Variants in OGFR observed in about 807,000 individuals in gnomAD.
OGFR encodes the protein opioid growth factor receptor.
OGFR carries 18 observed loss-of-function variants against 33.6 expected under a neutral mutation model. The ratio of observed to expected loss-of-function variants is 0.54; its 90% confidence interval spans 0.37 to 0.80. The LOEUF is 0.80. Ranked by LOEUF, OGFR falls within the 30% of genes least tolerant of loss-of-function variation. OGFR has a pLI of 0.00. For missense variants in OGFR, 877 were observed against 955.8 expected, an observed-to-expected ratio of 0.92 and a Z score of 1.09; for synonymous variants, 370 against 400.7, an observed-to-expected ratio of 0.92 and a Z score of 0.91.
chr20:62,807,745 C>A (rs41309385), intron 2 of OGFR, 140 bp downstream of exon 2: 1 of 807,788 alleles, frequency 1.2e-6, no homozygotes, highest in Non-Finnish European at 2.0e-6. Flanking sequence ...CTGCCTGGGG[C>A]ACAGCCTGGT....
rs954163302 is a variant in OGFR at position 62,813,026 on chromosome 20, G to A, written c.1411G>A (p.Val471Met). ...TGAGGGTGCTGGGGACAGTGCTGCG[G>A]TGGCCAGTGGTGGTGCCCAGACCTT... ...VDEGAGDSAA[V>M]ASGGAQTLAL... Residue 471 changes from valine to methionine, a missense_variant, in exon 7 of 7, where the codon GTG becomes ATG. By Grantham distance (21) the Val-to-Met change is conservative. This residue lies in a region of OGFR where 760 missense variants were observed against 736.0 expected (regional missense o/e 1.03). Coordinates refer to ENST00000290291, the MANE Select transcript of OGFR (RefSeq NM_007346.4). 6.2e-7 allele frequency: 1 copy of A among 1,601,298 alleles called. No individual in the cohort carries two copies. Among genetic ancestry groups the A allele is most frequent in the South Asian group, 1.1e-5 (1 of 89,724 alleles).
intron 3 of OGFR, 72 bp from the exon 4 acceptor site, chr20:62,809,513 C>A (rs943689092): frequency 1.7e-6 from 2 of 1,147,078 alleles, no homozygotes; most frequent in South Asian, 1.2e-5. Context: ...TTATGTCCCC[C>A]ACCCACACCC....
Position 62,807,540 on chromosome 20 carries a change from A to C in OGFR, c.175A>C (p.Arg59=), listed in dbSNP as rs768574386. The change falls in exon 2 of 7, where the codon AGA becomes CGA. Residue 59 remains arginine, a synonymous_variant. Transcript: ENST00000290291. The stretch of plus-strand genomic sequence containing the variant: ...ATCCCATCTCTTTTCTTCCCAGTCC[A>C]GAATGACAGGGTCCAGAAACTGGCG... ...RAARPSSFQS[R]MTGSRNWRAT... 5 of 1,612,792 alleles carry C rather than the reference A, an allele frequency of 3.1e-6. No homozygotes were observed. The highest frequency in any genetic ancestry group is 4.2e-6 in the Non-Finnish European group (5 of 1,179,742).
Position 62,812,819 on chromosome 20 carries a change from C to CA in OGFR, c.1205dup (p.Ser403GlufsTer61). ...GCAGCCGCCCACAGAGCCAGGCCCT[C>CA]AGAGTGCCTCAGAGGTGGAGAAGAT... On this transcript the variant is annotated frameshift_variant, in exon 7 of 7. Coordinates refer to ENST00000290291, the MANE Select transcript of OGFR (RefSeq NM_007346.4). LOFTEE classifies it low-confidence loss of function (END_TRUNC). The CA allele has an allele frequency of 6.2e-7, 1 of 1,612,712 alleles. No individual in the cohort carries two copies. Among genetic ancestry groups the CA allele is most frequent in the Non-Finnish European group, 8.5e-7 (1 of 1,179,890 alleles).
At chr20:62,811,783 C>T (rs1037568217) in intron 6 of OGFR, among the ~76,000 whole-genome samples, 173 bp downstream of exon 6, 11 of 152,168 alleles carry the variant, frequency 7.2e-5, no homozygotes, top group African/African-American at 1.7e-4. Context: ...GGTCCCTCCC[C>T]GATAGGGTTG....
At chr20:62,809,110 G>A (rs569659961) in intron 3 of OGFR, among the ~76,000 whole-genome samples, 13 of 152,216 alleles carry the variant, frequency 8.5e-5, no homozygotes, top group East Asian at 7.7e-4. Flanking sequence ...GGGCTGCAAC[G>A]TGAAACAGAG....
Position 62,808,267 on chromosome 20 carries a change from C to T in OGFR, c.261C>T (p.Cys87=). 6.2e-7 allele frequency: 1 copy of T among 1,613,308 alleles called. No homozygotes were observed. Among genetic ancestry groups the T allele is most frequent in the African/African-American group, 1.3e-5 (1 of 75,056 alleles). The change falls in exon 3 of 7, where the codon TGC becomes TGT. Residue 87 remains cysteine (C), a synonymous_variant. Transcript: ENST00000290291. ...TTCAGGATCTGGTGGAACGAGACTG[C>T]AATGGGGACACGCCAAACCTGAGTT... ...HNYPDLVERD[C]NGDTPNLSFY...
intron 3 of OGFR, 26 bp from the exon 4 acceptor site, chr20:62,809,559 C>T: frequency 6.2e-7 from 1 of 1,601,824 alleles, no homozygotes; most frequent in South Asian, 1.1e-5. Flanking sequence ...GCTGCCACAG[C>T]TGACTTGTCC....
At position 62,812,441 on chromosome 20, in the gene OGFR, G is replaced by C. The variant is rs1433873274; in HGVS notation, c.826G>C (p.Glu276Gln). The change falls in exon 7 of 7, where the codon GAG becomes CAG. Residue 276 changes from glutamate (E) to glutamine (Q), a missense_variant. Transcript: ENST00000290291. ...QRRQLVHFAW[E>Q]HFRPRCKFVW... ...CCGCCAGCTGGTGCACTTCGCCTGGGAGCACTTCCGGCCCCGCTGCAAGTT... is the reference window on the plus strand; with the variant it reads ...CCGCCAGCTGGTGCACTTCGCCTGGCAGCACTTCCGGCCCCGCTGCAAGTT... The C allele has an allele frequency of 6.3e-7, 1 of 1,582,428 alleles. No individual in the cohort carries two copies. Among genetic ancestry groups the C allele is most frequent in the South Asian group, 1.1e-5 (1 of 87,332 alleles).
At chr20:62,809,700 A>C in intron 4 of OGFR, 37 bp downstream of exon 4, 2 of 1,048,006 alleles carry the variant, frequency 1.9e-6, no homozygotes, top group Non-Finnish European at 1.4e-6. Context: ...GGGGTTGGCG[A>C]GGCCACAGGG....
chr20:62,805,102 C>T, intron 1 of OGFR, 72 bp downstream of exon 1: 1 of 1,198,104 alleles, frequency 8.3e-7, no homozygotes, highest in Non-Finnish European at 1.1e-6. Flanking sequence ...ACGGGAGACC[C>T]CCCCATCCCG....
At chr20:62,810,696 G>T in intron 5 of OGFR, 131 bp downstream of exon 5, 2 of 744,642 alleles carry the variant, frequency 2.7e-6, no homozygotes, top group East Asian at 5.4e-5. Flanking sequence ...GAAGGCAGAA[G>T]GGCCGAAAGA....
At chr20:62,807,978 C>CG (rs1352563170) in intron 2 of OGFR, 4 of 602,218 alleles carry the variant, frequency 6.6e-6, no homozygotes, top group Non-Finnish European at 1.2e-5. Flanking sequence ...CCCTGAATCA[C>CG]GGAAACCCCT....
At chr20:62,808,630 G>T (rs1176841191) in intron 3 of OGFR, among the ~76,000 whole-genome samples, 1 of 152,224 alleles carries the variant, frequency 6.6e-6, no homozygotes, top group Non-Finnish European at 1.5e-5. Context: ...AAAGCCACAT[G>T]TAAACCAACG....
At chr20:62,805,555 T>TGCC (rs1409688726) in intron 1 of OGFR, 1 of 152,352 alleles carries the variant, frequency 6.6e-6, no homozygotes, top group East Asian at 1.9e-4. Flanking sequence ...TTACTTTTGT[T>TGCC]GCCGCGCTGG....
chr20:62,810,619 C>G, intron 5 of OGFR, 54 bp downstream of exon 5: 4 of 1,552,996 alleles, frequency 2.6e-6, no homozygotes, highest in Non-Finnish European at 2.7e-6. Flanking sequence ...CCTGGGCAAG[C>G]CACGCCGCTG....
chr20:62,811,767 C>T (rs545577874), intron 6 of OGFR, among the ~76,000 whole-genome samples, 157 bp downstream of exon 6: 4 of 152,288 alleles, frequency 2.6e-5, no homozygotes, highest in African/African-American at 9.6e-5. Flanking sequence ...GCCTGTAGAG[C>T]CGGGCGGTCC....
chr20:62,812,989 G>A lies in OGFR; in HGVS notation c.1374G>A (p.Arg458=). 1.9e-6 allele frequency: 3 copies of A among 1,611,642 alleles called. No homozygotes were observed. Among genetic ancestry groups the A allele is most frequent in the Non-Finnish European group, 2.5e-6 (3 of 1,179,458 alleles). The change falls in exon 7 of 7, where the codon CGG becomes CGA. Residue 458 remains arginine, a synonymous_variant. Coordinates refer to ENST00000290291, the MANE Select transcript of OGFR (RefSeq NM_007346.4). ...GGGTGGCCGACAAGGTGAGGAAGCG[G>A]AGGAAGGTGGATGAGGGTGCTGGGG... ...GARVADKVRK[R]RKVDEGAGDS...
Position 62,813,001 on chromosome 20 carries a change from T to TGAG in OGFR, c.1388_1390dup (p.Glu463dup). On this transcript the variant is annotated inframe_insertion, in exon 7 of 7. Coordinates refer to ENST00000290291, the MANE Select transcript of OGFR (RefSeq NM_007346.4). ...AGGTGAGGAAGCGGAGGAAGGTGGA[T>TGAG]GAGGGTGCTGGGGACAGTGCTGCGG... 6.2e-7 allele frequency: 1 copy of TGAG among 1,610,512 alleles called. No homozygotes were observed. The highest frequency in any genetic ancestry group is 8.5e-7 in the Non-Finnish European group (1 of 1,178,954).
Sources: allele counts gnomAD v4.1 joint callset (sites outside exome capture counted in the v4.1 genomes callset), GRCh38; gene constraint gnomAD v4.1.1; regional missense constraint gnomAD v4.1.1; transcripts MANE v1.5; gene names NCBI Gene and HGNC (gene_info 2026-07-23, HGNC 2026-07-21).